The following KLF8 variants were observed in gnomAD, a reference collection of about 807,000 sequenced individuals.
KLF8 encodes the protein KLF transcription factor 8.
A neutral mutation model predicts 18.2 loss-of-function variants in KLF8; 10 were observed. That is an observed-to-expected ratio of 0.55 (90% CI 0.34 to 0.93). The LOEUF is 0.93. KLF8 is among the 40% of genes least tolerant of loss of function. KLF8 has a pLI of 0.02. For missense variants in KLF8, 264 were observed against 277.9 expected (o/e 0.95, Z 0.36); for synonymous variants, 109 against 97.3 (o/e 1.12, Z -0.71).
the KLF8 span, among the ~76,000 whole-genome samples, chrX:56,045,710 C>T: frequency 9.0e-6 from 1 of 111,669 alleles, no homozygotes; most frequent in Non-Finnish European, 1.9e-5. Flanking sequence ...TCTGCTAGGT[C>T]ACTGTTAGTG....
At chrX:56,036,020 T>C in the KLF8 span, among the ~76,000 whole-genome samples, 5 of 112,408 alleles carry the variant, frequency 4.4e-5, no homozygotes, top group African/African-American at 1.6e-4. Flanking sequence ...TCAGATAGCA[T>C]GATGCTTCCA....
chrX:56,088,205 C>T, the KLF8 span, among the ~76,000 whole-genome samples: 3 of 110,888 alleles, frequency 2.7e-5, no homozygotes, highest in South Asian at 3.8e-4. Flanking sequence ...CTCAGGGCAA[C>T]GTATACCTAG....
chrX:56,146,414 G>C, the KLF8 span, among the ~76,000 whole-genome samples: 1 of 111,567 alleles, frequency 9.0e-6, no homozygotes, highest in Non-Finnish European at 1.9e-5. Flanking sequence ...TCTTTGCAGA[G>C]ACATGGATGA....
chrX:55,976,588 A>ACACACACACC, the KLF8 span, among the ~76,000 whole-genome samples: 23 of 3,475 alleles, frequency 6.6e-3, no homozygotes, highest in Admixed American at 4.7e-3. Flanking sequence ...ACACACACAC[A>ACACACACACC]CCCCATGTTT....
At chrX:56,005,844 G>A in the KLF8 span, among the ~76,000 whole-genome samples, 6 of 111,359 alleles carry the variant, frequency 5.4e-5, no homozygotes, top group Non-Finnish European at 9.4e-5. Context: ...GCTGGTGTGT[G>A]GTGGTGGAGG....
At chrX:56,092,403 T>C in the KLF8 span, among the ~76,000 whole-genome samples, 1 of 111,723 alleles carries the variant, frequency 9.0e-6, no homozygotes, top group African/African-American at 3.2e-5. Context: ...CAGTTTTCTT[T>C]ATGTTTTCTC....
chrX:56,152,480 G>A, the KLF8 span, among the ~76,000 whole-genome samples: 32 of 111,257 alleles, frequency 2.9e-4, no homozygotes, highest in African/African-American at 9.4e-4. Context: ...GGGCAGTATC[G>A]GTCCCAGAGT....
the KLF8 span, among the ~76,000 whole-genome samples, chrX:56,051,596 C>G: frequency 9.0e-6 from 1 of 110,891 alleles, no homozygotes; most frequent in Non-Finnish European, 1.9e-5. Flanking sequence ...GAATATTGGC[C>G]CCCATTCTCT....
the KLF8 span, among the ~76,000 whole-genome samples, chrX:56,136,203 C>A: frequency 9.0e-6 from 1 of 111,491 alleles, no homozygotes; most frequent in Non-Finnish European, 1.9e-5. Flanking sequence ...TCAATGCCAT[C>A]CCCATCAAGC....
At chrX:56,267,031 AC>A in intron 3 of KLF8, 1 of 754,280 alleles carries the variant, frequency 1.3e-6, no homozygotes. Flanking sequence ...AAGGAAACAA[AC>A]AAAAAAGGAA....
chrX:56,184,301 G>A, the KLF8 span, among the ~76,000 whole-genome samples: 1 of 112,193 alleles, frequency 8.9e-6, no homozygotes, highest in African/African-American at 3.2e-5. Context: ...AAACTGCAAG[G>A]CGGGAGTGAG....
chrX:56,233,097 G>C lies in KLF8; in HGVS notation c.-238G>C. ...GAGAGCTTTGTTTCCCTTGTTCCGAGAGTGGCCCAGCTGGGTCTGAATCGA... is the reference window on the plus strand; with the variant it reads ...GAGAGCTTTGTTTCCCTTGTTCCGACAGTGGCCCAGCTGGGTCTGAATCGA... On this transcript the variant is annotated 5_prime_UTR_variant, in exon 1 of 6. Coordinates refer to ENST00000468660, the MANE Select transcript of KLF8 (RefSeq NM_007250.5). 1 of 397,296 alleles carries C rather than the reference G, an allele frequency of 2.5e-6. No individual in the cohort carries two copies. The highest frequency in any genetic ancestry group is 5.0e-5 in the South Asian group (1 of 19,989). 32.7% of individuals were successfully genotyped at this position (397,296 alleles called of 1,213,427 possible). A position where few individuals can be genotyped will look rare whatever the true frequency, so the allele number is the denominator to read the frequency against.
At chrX:56,082,413 T>A in the KLF8 span, among the ~76,000 whole-genome samples, 1 of 110,908 alleles carries the variant, frequency 9.0e-6, no homozygotes, top group Non-Finnish European at 1.9e-5. Flanking sequence ...AACTATTGGT[T>A]TTGTTTACTT....
intron 5 of KLF8, among the ~76,000 whole-genome samples, chrX:56,275,388 A>G (rs2067107539): frequency 9.0e-6 from 1 of 111,535 alleles, no homozygotes; most frequent in African/African-American, 3.3e-5. Flanking sequence ...ATCAATTCTA[A>G]TAGCTCTTTT....
the KLF8 span, among the ~76,000 whole-genome samples, chrX:55,992,563 T>C: frequency 8.9e-6 from 1 of 111,812 alleles, no homozygotes; most frequent in African/African-American, 3.3e-5. Context: ...ATGCACAGGA[T>C]TGGTTTGACT....
At chrX:56,089,935 C>A in the KLF8 span, among the ~76,000 whole-genome samples, 1 of 112,037 alleles carries the variant, frequency 8.9e-6, no homozygotes, top group Non-Finnish European at 1.9e-5. Flanking sequence ...CAAGAGCATT[C>A]TTTTCTTCTT....
the KLF8 span, among the ~76,000 whole-genome samples, chrX:56,078,267 T>C: frequency 2.7e-5 from 3 of 112,052 alleles, no homozygotes; most frequent in African/African-American, 6.5e-5. Flanking sequence ...AATATGATAT[T>C]GGCTGTGGGT....
intron 2 of KLF8, among the ~76,000 whole-genome samples, chrX:56,257,164 G>T (rs2066808604): frequency 9.0e-6 from 1 of 111,640 alleles, no homozygotes; most frequent in East Asian, 2.8e-4. Flanking sequence ...GGTCAGAGAA[G>T]ATGCTTGATG....
chrX:56,113,839 T>G, the KLF8 span, among the ~76,000 whole-genome samples: 1 of 110,776 alleles, frequency 9.0e-6, no homozygotes, highest in Admixed American at 9.6e-5. Context: ...TCTCACCCAG[T>G]CACGATGCAG....
Sources: gnomAD v4.1 joint callset for allele counts (sites outside exome capture counted in the v4.1 genomes callset) on GRCh38, gnomAD v4.1.1 for gene constraint, MANE v1.5 for transcripts, NCBI Gene and HGNC (gene_info 2026-07-23, HGNC 2026-07-21) for gene names.